Variants in NTRK3 observed in about 807,000 individuals in gnomAD.
The protein encoded by NTRK3 is neurotrophic receptor tyrosine kinase 3, also known as NT-3 growth factor receptor.
In NTRK3, 24 loss-of-function variants were observed where a neutral mutation model predicts 91.7. That is an observed-to-expected ratio of 0.26 (90% CI 0.19 to 0.37). The LOEUF (loss-of-function observed/expected upper bound fraction) is 0.37, where lower values mean the gene tolerates loss of function less well. Ranked by LOEUF, NTRK3 falls within the 10% of genes least tolerant of loss-of-function variation. The pLI is 1.00. For missense variants in NTRK3, 880 were observed against 1,068.9 expected, an observed-to-expected ratio of 0.82 and a Z score of 2.46; for synonymous variants, 483 against 404.0, an observed-to-expected ratio of 1.20 and a Z score of -2.34.
chr15:88,172,147 A>G (rs1863493), intron 5 of NTRK3, among the ~76,000 whole-genome samples: 50,832 of 152,062 alleles, frequency 0.33, 10,299 homozygotes, highest in African/African-American at 0.58. Context: ...GGCCTCTTGG[A>G]CCCAAGGCAA....
Position 87,935,587 on chromosome 15 carries a change from A to G in NTRK3, c.1717-2403T>C, listed in dbSNP as rs1342747089. 2.6e-5 allele frequency among the ~76,000 whole-genome samples: 4 copies of G among 152,150 alleles called. No homozygotes were observed. In the East Asian group the frequency reaches 7.7e-4, roughly 29 times the overall value. On this transcript the variant is annotated intron_variant, in intron 15 of 18. Coordinates refer to ENST00000394480, the Ensembl canonical transcript of NTRK3. Reference sequence around the variant, plus strand: ...CATGCAGAAGAAGAAGAAGAAGGGGAAAAAACTGAACCCAGCATGGGTGGG... The same window carrying G: ...CATGCAGAAGAAGAAGAAGAAGGGGGAAAAACTGAACCCAGCATGGGTGGG...
intron 4 of NTRK3, 137 bp downstream of exon 4, chr15:88,184,088 A>G (rs531971729): frequency 3.6e-6 from 3 of 832,834 alleles, no homozygotes; most frequent in Admixed American, 2.0e-5. Context: ...CATATTGCCA[A>G]CTCTACCAAA....
At chr15:87,870,181 TACACACACACACACACACACAC>T (rs58874538) in exon 19 of NTRK3, 1 of 165,510 alleles carries the variant, frequency 6.0e-6, no homozygotes, top group African/African-American at 2.5e-5. Flanking sequence ...GAAACTGTGG[TACACACACACACACACACACAC>T]ACACACACAC....
rs62019265 is a variant in NTRK3, at chr15:88,159,679, C to T, written c.396-12276G>A. ...ATGTGAGCAGATGAAAAGAGATGCCCTGTCAGGGAGCCGAGGGATGCCTGT... is the reference window on the plus strand; with the variant it reads ...ATGTGAGCAGATGAAAAGAGATGCCTTGTCAGGGAGCCGAGGGATGCCTGT... On this transcript the variant is annotated intron_variant, in intron 5 of 18. Coordinates refer to ENST00000394480, the Ensembl canonical transcript of NTRK3. Among the ~76,000 whole-genome samples the T allele has an allele frequency of 9.3e-3, 1,409 of 152,256 alleles. 17 individuals are homozygous for T. Among genetic ancestry groups the T allele is most frequent in the South Asian group, 0.022 (108 of 4,812 alleles).
At chr15:88,176,326 G>A (rs1479555854) in intron 5 of NTRK3, among the ~76,000 whole-genome samples, 3 of 151,842 alleles carry the variant, frequency 2.0e-5, no homozygotes, top group East Asian at 1.9e-4. Context: ...TAGTAGAGAC[G>A]GGGTTTCACC....
chr15:88,206,661 A>G (rs904476568), intron 3 of NTRK3, among the ~76,000 whole-genome samples: 1 of 142,516 alleles, frequency 7.0e-6, no homozygotes, highest in African/African-American at 2.5e-5. Flanking sequence ...CCGTCTCGAA[A>G]AAAAAAAAAA....
Position 88,241,941 on chromosome 15 carries a change from A to T in NTRK3, c.248+13965T>A, listed in dbSNP as rs2052395656. On this transcript the variant is annotated intron_variant, in intron 3 of 18. Coordinates refer to ENST00000394480, the Ensembl canonical transcript of NTRK3. This position sits in a 1 kb window ranked among gnomAD's most constrained non-coding sequence, Gnocchi z 4.3. Reference sequence around the variant, plus strand: ...CTAGAACGACAATGGAGACCTAGGGACAATGGAGACCTCAGGGGTCCTGCT... The same window carrying T: ...CTAGAACGACAATGGAGACCTAGGGTCAATGGAGACCTCAGGGGTCCTGCT... Among the ~76,000 whole-genome samples the T allele has an allele frequency of 6.6e-6, 1 of 152,172 alleles. No individual in the cohort carries two copies. Among genetic ancestry groups the T allele is most frequent in the Non-Finnish European group, 1.5e-5 (1 of 68,026 alleles).
chr15:88,002,690 CAAA>C (rs561471888), intron 14 of NTRK3, among the ~76,000 whole-genome samples: 13 of 85,674 alleles, frequency 1.5e-4, no homozygotes, highest in African/African-American at 3.9e-4. Context: ...AGAAGCTATG[CAAA>C]AAAAAAAAAA....
In NTRK3 at chr15:87,953,949, A is replaced by G. The variant is rs933775918; in HGVS notation, c.1586-13196T>C. Among the ~76,000 whole-genome samples, 31 of 149,410 alleles carry G rather than the reference A, an allele frequency of 2.1e-4. 1 individual carries two copies. The highest frequency in any genetic ancestry group is 2.1e-3 in the Admixed American group (31 of 14,986). On this transcript the variant is annotated intron_variant, in intron 14 of 18. Transcript: ENST00000394480. ...TCCTCCGTGCGGGTTATCGACCTCCATTGCCAGCCTGTTCTTTGCTGCCTT... is the reference window on the plus strand; with the variant it reads ...TCCTCCGTGCGGGTTATCGACCTCCGTTGCCAGCCTGTTCTTTGCTGCCTT...
chr15:87,869,257 C>G (rs1328557189), exon 19 of NTRK3: 3 of 230,212 alleles, frequency 1.3e-5, no homozygotes, highest in Non-Finnish European at 2.6e-5. Flanking sequence ...AGTTTATGGA[C>G]AGAGAAAGCA....
At chr15:87,954,805 T>G (rs1167416988) in intron 14 of NTRK3, among the ~76,000 whole-genome samples, 2 of 152,186 alleles carry the variant, frequency 1.3e-5, no homozygotes, top group African/African-American at 4.8e-5. Flanking sequence ...ATGCTAAAAA[T>G]AAACAGATCA....
At chr15:88,096,318 A>G (rs2150816217) in intron 13 of NTRK3, among the ~76,000 whole-genome samples, 1 of 152,320 alleles carries the variant, frequency 6.6e-6, no homozygotes, top group Admixed American at 6.5e-5. Flanking sequence ...CTGGTTAGCC[A>G]GAATCAGTTT....
At chr15:88,072,424 T>C (rs2047171909) in intron 13 of NTRK3, 1 of 223,634 alleles carries the variant, frequency 4.5e-6, no homozygotes, top group Non-Finnish European at 8.9e-6. Context: ...TGCAAGACAC[T>C]GAAAGGCAAC....
intron 3 of NTRK3, among the ~76,000 whole-genome samples, chr15:88,192,437 C>T (rs957972412): frequency 6.6e-6 from 1 of 152,152 alleles, no homozygotes; most frequent in Non-Finnish European, 1.5e-5. Context: ...CTTGCCTACA[C>T]ATCAATGCTC....
At chr15:87,869,099 T>C (rs143019033) in exon 19 of NTRK3, 79 of 228,942 alleles carry the variant, frequency 3.5e-4, no homozygotes, top group African/African-American at 1.6e-3. Context: ...TGCCTTAATT[T>C]GCAGTTCCCT....
intron 13 of NTRK3, among the ~76,000 whole-genome samples, chr15:88,118,744 T>C (rs2052378859): frequency 6.6e-6 from 1 of 152,330 alleles, no homozygotes. Flanking sequence ...CAGTAGGGCA[T>C]AAGGCATGTG....
At chr15:88,226,239 C>A (rs1176344613) in intron 3 of NTRK3, among the ~76,000 whole-genome samples, 1 of 152,206 alleles carries the variant, frequency 6.6e-6, no homozygotes, top group Non-Finnish European at 1.5e-5. Context: ...CCCCTGCAGA[C>A]CCCTTCCATG....
intron 13 of NTRK3, among the ~76,000 whole-genome samples, chr15:88,078,161 G>A (rs1277735515): frequency 2.6e-5 from 4 of 152,164 alleles, no homozygotes; most frequent in African/African-American, 9.7e-5. Flanking sequence ...TTGACATCTC[G>A]GCACCTCCTC....
chr15:88,161,452 G>A (rs2044449094), intron 5 of NTRK3, among the ~76,000 whole-genome samples: 1 of 152,164 alleles, frequency 6.6e-6, no homozygotes. Flanking sequence ...ACCACCACTA[G>A]GACAGGATCC....
Sources: gnomAD v4.1 joint callset for allele counts (sites outside exome capture counted in the v4.1 genomes callset) on GRCh38, gnomAD v4.1.1 for gene constraint, Gnocchi (gnomAD v3.1) non-coding constraint, MANE v1.5 for transcripts, NCBI Gene and HGNC (gene_info 2026-07-23, HGNC 2026-07-21) for gene names.